TRAPPC9: variants seen among roughly 807,000 people sequenced by gnomAD.
TRAPPC9 encodes the protein IKK2 binding protein.
A neutral mutation model predicts 124.0 loss-of-function variants in TRAPPC9; 83 were observed. The ratio of observed to expected loss-of-function variants is 0.67; its 90% CI spans 0.56 to 0.80. The LOEUF is 0.80. TRAPPC9 is among the 30% of genes least tolerant of loss of function. The probability of loss-of-function intolerance (pLI) is 0.00; values close to 1 mark genes in which losing one functional copy is unlikely to be tolerated. For missense variants in TRAPPC9, 1,302 were observed against 1,508.3 expected, an observed-to-expected ratio of 0.86 and a Z score of 2.27; for synonymous variants, 638 against 617.5, an observed-to-expected ratio of 1.03 and a Z score of -0.49.
chr8:140,450,558 A>G (rs967158660), intron 2 of TRAPPC9, among the ~76,000 whole-genome samples: 3 of 152,186 alleles, frequency 2.0e-5, no homozygotes, highest in African/African-American at 7.2e-5. Flanking sequence ...GGAGTGTACA[A>G]GACAACTCTA....
chr8:140,108,752 G>A (rs1157147432), intron 17 of TRAPPC9, among the ~76,000 whole-genome samples: 1 of 152,212 alleles, frequency 6.6e-6, no homozygotes, highest in East Asian at 1.9e-4. Flanking sequence ...CAGCAAGTAT[G>A]CAGGGAATTA....
intron 17 of TRAPPC9, among the ~76,000 whole-genome samples, chr8:140,078,805 C>A (rs540732088): frequency 6.6e-6 from 1 of 152,116 alleles, no homozygotes; most frequent in East Asian, 1.9e-4. Context: ...TCCCTGCCCC[C>A]AGTCACCACC....
At chr8:140,447,399 C>T (rs969316021) in intron 2 of TRAPPC9, among the ~76,000 whole-genome samples, 3 of 152,040 alleles carry the variant, frequency 2.0e-5, no homozygotes, top group Admixed American at 2.0e-4. Flanking sequence ...ATAGGGAAAT[C>T]TAGCTATTTT....
chr8:140,123,781 G>C (rs887071554), intron 17 of TRAPPC9, among the ~76,000 whole-genome samples: 4 of 152,248 alleles, frequency 2.6e-5, no homozygotes, highest in Non-Finnish European at 4.4e-5. Flanking sequence ...GGGCCAAACA[G>C]TGCCTGGCCA....
intron 15 of TRAPPC9, among the ~76,000 whole-genome samples, chr8:140,269,613 G>A (rs1477493534): frequency 4.6e-5 from 7 of 151,892 alleles, no homozygotes; most frequent in Admixed American, 1.3e-4. Flanking sequence ...GGATGGATAG[G>A]AGGCTGGATA....
At chr8:140,122,469 T>C (rs1221656197) in intron 17 of TRAPPC9, among the ~76,000 whole-genome samples, 1 of 152,224 alleles carries the variant, frequency 6.6e-6, no homozygotes, top group East Asian at 1.9e-4. Context: ...TTGCATATAG[T>C]AGGAGTGAAC....
At chr8:139,906,112 C>A (rs1275686201) in intron 20 of TRAPPC9, among the ~76,000 whole-genome samples, 32 of 151,946 alleles carry the variant, frequency 2.1e-4, no homozygotes, top group Non-Finnish European at 5.9e-5. Flanking sequence ...AAACAACAAA[C>A]AAAAGAAAAG....
intron 21 of TRAPPC9, among the ~76,000 whole-genome samples, chr8:139,816,579 T>G (rs1253846002): frequency 1.6e-5 from 2 of 127,332 alleles, no homozygotes; most frequent in African/African-American, 5.5e-5. Context: ...CCCACCCCAC[T>G]GCTCCTCAGA....
chr8:140,458,259 C>G, upstream of TRAPPC9: 1 of 1,551,918 alleles, frequency 6.4e-7, no homozygotes, highest in South Asian at 1.2e-5. Flanking sequence ...GAAGGAGGCC[C>G]AGTTCTGTCC....
chr8:139,795,567 G>T (rs1822994535), intron 21 of TRAPPC9, among the ~76,000 whole-genome samples: 1 of 151,882 alleles, frequency 6.6e-6, no homozygotes, highest in Non-Finnish European at 1.5e-5. Flanking sequence ...GAGGGGGTGG[G>T]GGCGGCGGGG....
intron 18 of TRAPPC9, among the ~76,000 whole-genome samples, chr8:139,991,659 G>A (rs1320803242): frequency 1.3e-5 from 2 of 151,500 alleles, no homozygotes; most frequent in African/African-American, 4.8e-5. Flanking sequence ...GAAGAGCTGA[G>A]ACCAAGGCGA....
chr8:140,344,197 G>A (rs932907182), intron 9 of TRAPPC9, among the ~76,000 whole-genome samples: 7 of 152,156 alleles, frequency 4.6e-5, no homozygotes, highest in African/African-American at 1.4e-4. Flanking sequence ...CTCTGAGCCA[G>A]GAAGTGGCCC....
At chr8:139,810,635 A>AT (rs1317972258) in intron 21 of TRAPPC9, among the ~76,000 whole-genome samples, 1 of 152,204 alleles carries the variant, frequency 6.6e-6, no homozygotes, top group African/African-American at 2.4e-5. Flanking sequence ...CAGAAGTTCT[A>AT]TTCTTGGTAG....
rs754493155 is a variant in TRAPPC9 at position 140,435,136 on chromosome 8, C to T, written c.835G>A (p.Glu279Lys). 8 of 1,614,100 alleles carry T rather than the reference C, an allele frequency of 5.0e-6. No homozygotes were observed. In the East Asian group the frequency reaches 1.8e-4, roughly 36 times the overall value. The change falls in exon 4 of 23, where the codon GAA becomes AAA. Residue 279 changes from glutamate (E) to lysine (K), a missense_variant. By Grantham distance (56) the Glu-to-Lys change is moderately conservative (BLOSUM62 1). This residue lies in a region of TRAPPC9 where 657 missense variants were observed against 811.2 expected (regional missense o/e 0.81). Transcript: ENST00000438773. ...RRFQGSTLPA[E>K]AANRHRPGAQ... The stretch of plus-strand genomic sequence containing the variant: ...CCTGGCCGGTGTCTATTGGCTGCTT[C>T]AGCAGGAAGGGTGCTGCCCTGGAAC...
intron 17 of TRAPPC9, among the ~76,000 whole-genome samples, chr8:140,146,734 T>A (rs2061468604): frequency 6.6e-6 from 1 of 152,156 alleles, no homozygotes; most frequent in South Asian, 2.1e-4. Context: ...TAATATTTCA[T>A]AATGAATGTA....
intron 17 of TRAPPC9, among the ~76,000 whole-genome samples, chr8:140,077,549 C>G (rs984785151): frequency 6.6e-6 from 1 of 151,932 alleles, no homozygotes; most frequent in African/African-American, 2.4e-5. Context: ...AGAGAAGGTG[C>G]CTTCCGCTAT....
At position 139,999,048 on chromosome 8, in the gene TRAPPC9, T is replaced by C. The variant is rs80306474; in HGVS notation, c.2700-10212A>G. ...TTAAAAGAACATAAAAAAGGAGAAATGGAACAATAAACAACAGAGTGAATA... is the reference window on the plus strand; with the variant it reads ...TTAAAAGAACATAAAAAAGGAGAAACGGAACAATAAACAACAGAGTGAATA... On this transcript the variant is annotated intron_variant, in intron 18 of 22. Transcript: ENST00000438773. Among the ~76,000 whole-genome samples, 940 of 151,702 alleles carry C rather than the reference T, an allele frequency of 6.2e-3. 10 individuals are homozygous for C. Among genetic ancestry groups the C allele is most frequent in the African/African-American group, 0.022 (901 of 41,336 alleles).
At chr8:139,858,633 G>C (rs1299969663) in intron 21 of TRAPPC9, among the ~76,000 whole-genome samples, 1 of 152,174 alleles carries the variant, frequency 6.6e-6, no homozygotes, top group Admixed American at 6.5e-5. Context: ...CAGTGCTAGA[G>C]GGGACAGGAC....
intron 21 of TRAPPC9, among the ~76,000 whole-genome samples, chr8:139,749,774 G>A (rs1819193014): frequency 6.6e-6 from 1 of 152,220 alleles, no homozygotes; most frequent in Non-Finnish European, 1.5e-5. Flanking sequence ...CCGGGCAGCT[G>A]GATGAGCGGG....
Sources: allele counts gnomAD v4.1 joint callset (sites outside exome capture counted in the v4.1 genomes callset), GRCh38; gene constraint gnomAD v4.1.1; regional missense constraint gnomAD v4.1.1; transcripts MANE v1.5; gene names NCBI Gene and HGNC (gene_info 2026-07-23, HGNC 2026-07-21).